Variants in CPO observed in about 807,000 individuals in gnomAD.
The protein encoded by CPO is carboxypeptidase O, also known as metallocarboxypeptidase C.
A neutral mutation model predicts 41.2 loss-of-function variants in CPO; 43 were observed. The observed-to-expected ratio is 1.04, with a 90% CI of 0.82 to 1.35. The LOEUF is 1.35. Ranked by LOEUF, CPO falls within the 40% of genes most tolerant of loss-of-function variation. The pLI is 0.00. For synonymous variants in CPO, 178 were observed against 162.7 expected (o/e 1.09, Z -0.72); for missense variants, 408 against 451.7 (o/e 0.90, Z 0.88).
intron 1 of CPO, among the ~76,000 whole-genome samples, chr2:206,942,428 C>G (rs1693046884): frequency 1.3e-5 from 2 of 151,936 alleles, no homozygotes; most frequent in African/African-American, 2.4e-5. Context: ...ATTTTGTAAG[C>G]AGAAAAATAA....
At chr2:206,965,734 G>C (rs1693563790) in intron 7 of CPO, among the ~76,000 whole-genome samples, 1 of 152,124 alleles carries the variant, frequency 6.6e-6, no homozygotes, top group Non-Finnish European at 1.5e-5. Flanking sequence ...GCCCAGAGAA[G>C]GAGTTGTTAA....
At chr2:206,952,984 A>G (rs757483992) in intron 2 of CPO, among the ~76,000 whole-genome samples, 3 of 152,148 alleles carry the variant, frequency 2.0e-5, no homozygotes, top group African/African-American at 4.8e-5. Flanking sequence ...CTTATTCACT[A>G]TCACGAGAAC....
intron 3 of CPO, among the ~76,000 whole-genome samples, chr2:206,956,158 G>C (rs898882757): frequency 6.6e-6 from 1 of 151,884 alleles, no homozygotes; most frequent in Non-Finnish European, 1.5e-5. Context: ...TTTTCCACAG[G>C]GCCAGGACCC....
intron 6 of CPO, 77 bp downstream of exon 6, chr2:206,961,019 T>A: frequency 9.4e-7 from 1 of 1,059,304 alleles, no homozygotes; most frequent in Non-Finnish European, 1.5e-6. Flanking sequence ...ACTAAATGTA[T>A]AATTTTTGAA....
chr2:206,961,357 C>G (rs777012192), intron 6 of CPO, among the ~76,000 whole-genome samples: 13 of 151,948 alleles, frequency 8.6e-5, no homozygotes, highest in Non-Finnish European at 1.6e-4. Flanking sequence ...CTCAATATGC[C>G]CAGTGAATTG....
At chr2:206,945,783 T>A (rs1328366098) in intron 1 of CPO, among the ~76,000 whole-genome samples, 1 of 151,906 alleles carries the variant, frequency 6.6e-6, no homozygotes, top group Non-Finnish European at 1.5e-5. Flanking sequence ...GAATAGATAG[T>A]TAATTAGCCA....
At chr2:206,940,612 C>G (rs1693010271) in intron 1 of CPO, among the ~76,000 whole-genome samples, 1 of 151,874 alleles carries the variant, frequency 6.6e-6, no homozygotes, top group African/African-American at 2.4e-5. Flanking sequence ...TAAATACATT[C>G]TATTGAAATC....
intron 1 of CPO, among the ~76,000 whole-genome samples, chr2:206,946,264 T>C (rs181295070): frequency 1.3e-5 from 2 of 152,194 alleles, no homozygotes; most frequent in African/African-American, 2.4e-5. Context: ...CAACAATGTA[T>C]AAAAAGAATT....
chr2:206,954,069 TAGGCCTCC>T (rs1475583053), intron 2 of CPO, among the ~76,000 whole-genome samples: 15 of 152,174 alleles, frequency 9.9e-5, no homozygotes, highest in East Asian at 5.8e-4. Context: ...TTTTTCCTCC[TAGGCCTCC>T]AGGCCTGTGA....
At chr2:206,948,041 C>G (rs1574347335) in intron 1 of CPO, among the ~76,000 whole-genome samples, 1 of 152,210 alleles carries the variant, frequency 6.6e-6, no homozygotes, top group African/African-American at 2.4e-5. Context: ...ACTAAACAAA[C>G]TCTTACCATA....
chr2:206,954,031 G>C (rs1488280645), intron 2 of CPO, among the ~76,000 whole-genome samples: 1 of 152,136 alleles, frequency 6.6e-6, no homozygotes, highest in African/African-American at 2.4e-5. Flanking sequence ...CAGAACAAGG[G>C]GGCCCTGAAT....
At chr2:206,943,739 TAGATAGATAGATAGATA>T (rs1559068461) in intron 1 of CPO, among the ~76,000 whole-genome samples, 1 of 123,364 alleles carries the variant, frequency 8.1e-6, no homozygotes, top group Non-Finnish European at 1.7e-5. Flanking sequence ...GATAGATAGA[TAGATAGATAGATAGATA>T]GATAGATAGA....
intron 7 of CPO, among the ~76,000 whole-genome samples, chr2:206,964,252 C>T (rs1446944771): frequency 6.6e-6 from 1 of 152,214 alleles, no homozygotes; most frequent in Admixed American, 6.5e-5. Context: ...TCCAACAACA[C>T]TCAAGTACCT....
In CPO at chr2:206,939,639, C is replaced by T; in HGVS notation, c.40C>T (p.Leu14=). 6.2e-7 allele frequency: 1 copy of T among 1,611,018 alleles called. No individual in the cohort carries two copies. Among genetic ancestry groups the T allele is most frequent in the South Asian group, 1.1e-5 (1 of 90,978 alleles). ...TGAAACCCTTTATCTTTTGGGGATG[C>T]TGGTTCCTGGAGGGCTGGGATATGA... ...LLETLYLLGM[L]VPGGLGYDRS... The change falls in exon 1 of 9, where the codon CTG becomes TTG. Residue 14 remains leucine, a synonymous_variant. Coordinates refer to ENST00000272852, the MANE Select transcript of CPO (RefSeq NM_173077.3).
chr2:206,961,555 G>A (rs1223431047), intron 6 of CPO, among the ~76,000 whole-genome samples: 3 of 152,104 alleles, frequency 2.0e-5, no homozygotes, highest in South Asian at 2.1e-4. Flanking sequence ...GGGATTAAAT[G>A]GGATGCTACA....
At chr2:206,942,814 A>G (rs1471850979) in intron 1 of CPO, among the ~76,000 whole-genome samples, 4 of 152,196 alleles carry the variant, frequency 2.6e-5, no homozygotes, top group African/African-American at 9.6e-5. Context: ...TTTTCTAAGT[A>G]TATGGTTTAA....
At chr2:206,958,650 G>A (rs1232614684) in intron 4 of CPO, among the ~76,000 whole-genome samples, 1 of 147,784 alleles carries the variant, frequency 6.8e-6, no homozygotes, top group Non-Finnish European at 1.5e-5. Context: ...AAATGTAGAA[G>A]AACATATGTC....
At chr2:206,962,374 A>T (rs1309081435) in intron 6 of CPO, 38 bp from the exon 7 acceptor site, 2 of 1,585,214 alleles carry the variant, frequency 1.3e-6, no homozygotes, top group East Asian at 4.5e-5. Context: ...CCAAACTGAG[A>T]TCATGCAGCC....
chr2:206,959,790 A>C (rs984914639), intron 5 of CPO, 49 bp downstream of exon 5: 2 of 808,876 alleles, frequency 2.5e-6, no homozygotes, highest in Non-Finnish European at 4.2e-6. Context: ...ACTAAAGCTC[A>C]ATTCAGGTTA....
Sources: allele counts gnomAD v4.1 joint callset (sites outside exome capture counted in the v4.1 genomes callset), GRCh38; gene constraint gnomAD v4.1.1; transcripts MANE v1.5; gene names NCBI Gene and HGNC (gene_info 2026-07-23, HGNC 2026-07-21).